SPOP: variants seen among roughly 807,000 people sequenced by gnomAD.
The protein encoded by SPOP is speckle type BTB/POZ protein.
Under a neutral mutation model 45.6 loss-of-function variants are expected in SPOP, and 11 were observed. That is an observed-to-expected ratio of 0.24 (90% CI 0.15 to 0.40). The LOEUF is 0.40. SPOP is among the 10% of genes least tolerant of loss of function. SPOP has a pLI of 1.00. For missense variants in SPOP, 152 were observed against 465.6 expected, an observed-to-expected ratio of 0.33 and a Z score of 6.20; for synonymous variants, 166 against 166.3, an observed-to-expected ratio of 1.00 and a Z score of 0.01.
intron 9 of SPOP, chr17:49,601,635 T>C (rs2071741905): frequency 2.2e-6 from 1 of 457,622 alleles, no homozygotes; most frequent in Non-Finnish European, 3.8e-6. Flanking sequence ...AGCAAGTTAT[T>C]TTCATCACTT....
intron 1 of SPOP, among the ~76,000 whole-genome samples, chr17:49,656,574 AC>A (rs139340876): frequency 0.012 from 1,884 of 152,028 alleles, 39 homozygotes; most frequent in East Asian, 0.08. Flanking sequence ...TATTCATACC[AC>A]CCCGAAAGCC....
intron 5 of SPOP, 112 bp from the exon 6 acceptor site, chr17:49,611,569 C>T: frequency 1.0e-6 from 1 of 978,656 alleles, no homozygotes; most frequent in Non-Finnish European, 1.6e-6. Flanking sequence ...TAATATTAAT[C>T]ATATTATCTT....
At chr17:49,677,589 A>G (rs1010472457) in intron 1 of SPOP, among the ~76,000 whole-genome samples, 2 of 152,026 alleles carry the variant, frequency 1.3e-5, no homozygotes, top group East Asian at 1.9e-4. Context: ...GCAGCGAAGA[A>G]GCAGCCCGAG....
At chr17:49,673,280 T>G (rs1297470076) in intron 1 of SPOP, among the ~76,000 whole-genome samples, 1 of 151,434 alleles carries the variant, frequency 6.6e-6, no homozygotes, top group East Asian at 1.9e-4. Context: ...CCAAGGTGGG[T>G]GGATCACGAG....
chr17:49,627,053 G>C (rs927188793), intron 1 of SPOP, among the ~76,000 whole-genome samples: 2 of 152,138 alleles, frequency 1.3e-5, no homozygotes, highest in Admixed American at 6.5e-5. Context: ...GTTTCACCAT[G>C]TTAGCCAGGA....
chr17:49,615,834 T>G (rs568759511), intron 5 of SPOP, among the ~76,000 whole-genome samples: 1 of 152,266 alleles, frequency 6.6e-6, no homozygotes, highest in South Asian at 2.1e-4. Flanking sequence ...ACCCTCGCAC[T>G]AGTTTGCTGC....
At chr17:49,642,872 TC>T (rs1028087215) in intron 1 of SPOP, among the ~76,000 whole-genome samples, 2 of 152,230 alleles carry the variant, frequency 1.3e-5, no homozygotes, top group African/African-American at 4.8e-5. Context: ...GACAGATACT[TC>T]CGAGTATACA....
intron 8 of SPOP, 46 bp from the exon 9 acceptor site, chr17:49,602,053 G>A (rs949672520): frequency 6.2e-7 from 1 of 1,603,792 alleles, no homozygotes; most frequent in African/African-American, 1.3e-5. Context: ...AATAGTTCTG[G>A]GCTGACCACT....
intron 2 of SPOP, chr17:49,622,278 A>T: frequency 1.5e-6 from 1 of 651,812 alleles, no homozygotes; most frequent in East Asian, 3.2e-5. Flanking sequence ...TCAGCTGCTG[A>T]GAACACTGGA....
At chr17:49,623,996 A>C (rs1027677179) in intron 1 of SPOP, among the ~76,000 whole-genome samples, 2 of 152,140 alleles carry the variant, frequency 1.3e-5, no homozygotes, top group Non-Finnish European at 1.5e-5. Context: ...CACCTCTCTC[A>C]TAAGCCTCAG....
intron 1 of SPOP, among the ~76,000 whole-genome samples, chr17:49,666,124 G>GC (rs1414392917): frequency 6.6e-6 from 1 of 151,970 alleles, no homozygotes; most frequent in Non-Finnish European, 1.5e-5. Context: ...AAAGACCAAT[G>GC]GTATGGAATA....
intron 1 of SPOP, among the ~76,000 whole-genome samples, chr17:49,624,282 T>G (rs2072277413): frequency 6.6e-6 from 1 of 151,822 alleles, no homozygotes. Flanking sequence ...AGAAGAGATT[T>G]TAGGTGCTTT....
chr17:49,649,113 G>A (rs989802071), intron 1 of SPOP, among the ~76,000 whole-genome samples: 1 of 152,112 alleles, frequency 6.6e-6, no homozygotes, highest in Non-Finnish European at 1.5e-5. Context: ...TTCCTATAAT[G>A]TTGTTTAGGT....
intron 1 of SPOP, among the ~76,000 whole-genome samples, chr17:49,673,768 AAC>A (rs1895400171): frequency 6.6e-6 from 1 of 152,326 alleles, no homozygotes; most frequent in African/African-American, 2.4e-5. Context: ...CTCAGCATGG[AAC>A]ACAGTGTATT....
At chr17:49,627,801 A>T (rs967307111) in intron 1 of SPOP, among the ~76,000 whole-genome samples, 1 of 152,094 alleles carries the variant, frequency 6.6e-6, no homozygotes, top group Admixed American at 6.5e-5. Context: ...CTTATTTTGT[A>T]GCTACATCTT....
intron 1 of SPOP, among the ~76,000 whole-genome samples, chr17:49,649,378 A>C (rs937421295): frequency 4.6e-5 from 7 of 151,942 alleles, no homozygotes; most frequent in Non-Finnish European, 2.9e-5. Context: ...CTCTACTAAA[A>C]ACACAAAAAT....
At chr17:49,668,620 C>A (rs1283295523) in intron 1 of SPOP, among the ~76,000 whole-genome samples, 2 of 151,586 alleles carry the variant, frequency 1.3e-5, no homozygotes, top group African/African-American at 4.9e-5. Flanking sequence ...TATCTGGGGG[C>A]AAATATAATA....
intron 1 of SPOP, among the ~76,000 whole-genome samples, chr17:49,640,518 A>T (rs1452602215): frequency 6.6e-6 from 1 of 152,156 alleles, no homozygotes; most frequent in Non-Finnish European, 1.5e-5. Context: ...GTACTAATAT[A>T]AAGGTTTAAA....
intron 1 of SPOP, among the ~76,000 whole-genome samples, chr17:49,647,807 G>A (rs2072784744): frequency 6.6e-6 from 1 of 152,068 alleles, no homozygotes; most frequent in Non-Finnish European, 1.5e-5. Context: ...ATTTTAGAAT[G>A]ACTTTTCATG....
Sources: allele counts gnomAD v4.1 joint callset (sites outside exome capture counted in the v4.1 genomes callset), GRCh38; gene constraint gnomAD v4.1.1; transcripts MANE v1.5; gene names NCBI Gene and HGNC (gene_info 2026-07-23, HGNC 2026-07-21).